Variants in HNRNPL observed in about 807,000 individuals in gnomAD.
The protein encoded by HNRNPL is heterogeneous nuclear ribonucleoprotein L.
HNRNPL carries 12 observed loss-of-function variants against 64.0 expected under a neutral mutation model. That is an observed-to-expected ratio of 0.19 (90% CI 0.12 to 0.30). The LOEUF (loss-of-function observed/expected upper bound fraction) is 0.30. Among genes scored for constraint, HNRNPL ranks in the 10% least tolerant of loss-of-function variants. The pLI is 1.00. For synonymous variants in HNRNPL, 385 were observed against 313.0 expected (o/e 1.23, Z -2.43); for missense variants, 484 against 797.4 (o/e 0.61, Z 4.73).
chr19:38,841,634 G>A (rs1651140316), intron 6 of HNRNPL: 2 of 1,282,808 alleles, frequency 1.6e-6, no homozygotes, highest in African/African-American at 3.0e-5. Context: ...TCAACAGTGA[G>A]TTAGCACAGT....
Position 38,836,598 on chromosome 19 carries a change from TAAAAAAAAA to T in HNRNPL, c.*115_*123del, listed in dbSNP as rs35433653. The T allele has an allele frequency of 1.8e-4, 25 of 136,628 alleles. No individual in the cohort carries two copies. The highest frequency in any genetic ancestry group is 8.2e-4 in the African/African-American group (14 of 17,030). The allele number at this position is 136,628 out of a possible 1,614,324, so 8.5% of individuals were successfully genotyped here. A position where few individuals can be genotyped will look rare whatever the true frequency, so the allele number is the denominator to read the frequency against. On this transcript the variant is annotated 3_prime_UTR_variant, in exon 13 of 13. Transcript: ENST00000221419. ...AGTAAGCCTCTACAAACCTAGCATT[TAAAAAAAAA>T]AAAAAAAAAAAAAAAAAGGAATACA...
rs370174426 is a variant in HNRNPL, at chr19:38,836,793, G to C, written c.1712-13C>G. ...GGGTATGGACCATCTGCAAAGGAGA[G>C]ACAAGTTTGGTTGGTTCCCGTCTTT... On this transcript the variant is annotated splice_polypyrimidine_tract_variant and intron_variant, in intron 12 of 12. Transcript: ENST00000221419. 2.5e-6 allele frequency: 4 copies of C among 1,608,350 alleles called. No homozygotes were observed. The highest frequency in any genetic ancestry group is 2.2e-5 in the East Asian group (1 of 44,716).
intron 9 of HNRNPL, 35 bp downstream of exon 9, chr19:38,838,859 G>A (rs887291879): frequency 1.2e-6 from 2 of 1,613,254 alleles, no homozygotes; most frequent in Admixed American, 1.7e-5. Context: ...TCTCTCCCCT[G>A]TACCTCTGCT....
rs949813402 is a variant in HNRNPL, at chr19:38,845,791, G to T, written c.625-56C>A. The T allele has an allele frequency of 1.9e-6, 3 of 1,598,774 alleles. No homozygotes were observed. In the Admixed American group the frequency reaches 5.0e-5, roughly 27 times the overall value. On this transcript the variant is annotated intron_variant, in intron 3 of 12. Transcript: ENST00000221419. ...GGCACTGGCAGATCAGTCTGGCTTGGGGGAGGGAATAAGGGGAGAAAAGGA... is the reference window on the plus strand; with the variant it reads ...GGCACTGGCAGATCAGTCTGGCTTGTGGGAGGGAATAAGGGGAGAAAAGGA...
chr19:38,843,730 G>T, intron 6 of HNRNPL, 112 bp downstream of exon 6: 1 of 886,656 alleles, frequency 1.1e-6, no homozygotes, highest in Non-Finnish European at 1.8e-6. Flanking sequence ...GCCCTCCCAT[G>T]TCCATGGGGG....
chr19:38,851,813 G>A (rs527261981), upstream of HNRNPL, among the ~76,000 whole-genome samples: 1 of 152,242 alleles, frequency 6.6e-6, no homozygotes, highest in South Asian at 2.1e-4. Context: ...TGGTGGCTCT[G>A]CCGGTGAGGG....
chr19:38,848,142 G>A (rs142995325), intron 1 of HNRNPL, among the ~76,000 whole-genome samples: 14,944 of 152,274 alleles, frequency 0.098, 870 homozygotes, highest in South Asian at 0.19. Context: ...CCAGGCTGGA[G>A]TGCTATGGCG....
At chr19:38,849,604 G>C in intron 1 of HNRNPL, 96 bp downstream of exon 1, 1 of 1,277,130 alleles carries the variant, frequency 7.8e-7, no homozygotes, top group Non-Finnish European at 9.9e-7. Flanking sequence ...GCCTGGGCGC[G>C]TGCGCAGAGG....
intron 1 of HNRNPL, among the ~76,000 whole-genome samples, chr19:38,847,953 G>A (rs371739235): frequency 6.6e-6 from 1 of 152,108 alleles, no homozygotes; most frequent in East Asian, 1.9e-4. Flanking sequence ...GTTCAGTCAG[G>A]GCAAAAAACA....
chr19:38,848,508 G>C (rs553806065), intron 1 of HNRNPL, among the ~76,000 whole-genome samples: 2 of 152,358 alleles, frequency 1.3e-5, no homozygotes, highest in African/African-American at 4.8e-5. Flanking sequence ...TCAGGAGAAA[G>C]ATTAACTCTC....
In HNRNPL at chr19:38,843,926, GGACAA is replaced by G. The variant is rs368215965; in HGVS notation, c.808-17_808-13del. The G allele has an allele frequency of 1.1e-5, 17 of 1,613,894 alleles. No homozygotes were observed. The highest frequency in any genetic ancestry group is 6.7e-5 in the African/African-American group (5 of 74,930). On this transcript the variant is annotated splice_polypyrimidine_tract_variant and intron_variant, in intron 5 of 12. Transcript: ENST00000221419. ...TTCAAGCGTGTAGGCTGCAAGGACA[GGACAA>G]GACAAGACTTGAGGTCAGCCATGCC...
rs759845330 is a variant in HNRNPL, at chr19:38,849,835, ACCGCCGCCT to A, written c.123_131del (p.Gly43_Gly45del). The A allele has an allele frequency of 2.6e-5, 32 of 1,223,180 alleles. No homozygotes were observed. The highest frequency in any genetic ancestry group is 1.1e-4 in the South Asian group (8 of 75,514). 75.8% of individuals were successfully genotyped at this position (1,223,180 alleles called of 1,614,324 possible). A position where few individuals can be genotyped will look rare whatever the true frequency, so the allele number is the denominator to read the frequency against. On this transcript the variant is annotated inframe_deletion, in exon 1 of 13. Coordinates refer to ENST00000221419, the MANE Select transcript of HNRNPL (RefSeq NM_001533.3). ...CACTGCCGCCGCCGTAGTAGCGGCC[ACCGCCGCCT>A]CCGCCGCCCGCCGCCGCCATCTTCA...
chr19:38,849,602 G>T (rs1208398315), intron 1 of HNRNPL, 98 bp downstream of exon 1: 6 of 1,274,940 alleles, frequency 4.7e-6, no homozygotes, highest in Non-Finnish European at 2.0e-6. Flanking sequence ...TGGCCTGGGC[G>T]CGTGCGCAGA....
chr19:38,850,573 T>G (rs958643283), upstream of HNRNPL, among the ~76,000 whole-genome samples: 3 of 152,198 alleles, frequency 2.0e-5, no homozygotes, highest in Admixed American at 2.0e-4. Context: ...CGCTCTTTGG[T>G]GCAGTATACG....
intron 6 of HNRNPL, chr19:38,841,522 G>T: frequency 1.7e-6 from 1 of 583,558 alleles, no homozygotes; most frequent in Non-Finnish European, 2.9e-6. Flanking sequence ...TTTGTTACCA[G>T]TCATTACAAA....
intron 6 of HNRNPL, 21 bp downstream of exon 6, chr19:38,843,821 C>G (rs754465629): frequency 3.7e-6 from 6 of 1,602,946 alleles, no homozygotes; most frequent in Non-Finnish European, 5.1e-6. Context: ...ATGTTTAGAA[C>G]AAAGTGGTCG....
intron 1 of HNRNPL, chr19:38,849,179 T>A (rs1260925276): frequency 1.3e-5 from 2 of 155,186 alleles, no homozygotes; most frequent in African/African-American, 4.8e-5. Flanking sequence ...CCTACAAAAA[T>A]GAGAGCATCT....
chr19:38,845,531 T>A (rs905756340), intron 4 of HNRNPL, 119 bp downstream of exon 4: 4 of 787,378 alleles, frequency 5.1e-6, no homozygotes, highest in Non-Finnish European at 8.9e-6. Flanking sequence ...TGTGAAGGCA[T>A]CTGGCACATG....
At chr19:38,837,715 C>A in intron 10 of HNRNPL, 64 bp from the exon 11 acceptor site, 1 of 1,420,408 alleles carries the variant, frequency 7.0e-7, no homozygotes, top group South Asian at 1.2e-5. Context: ...AGGATTCAAG[C>A]AGACCAGGCC....
Sources: allele counts gnomAD v4.1 joint callset (sites outside exome capture counted in the v4.1 genomes callset), GRCh38; gene constraint gnomAD v4.1.1; transcripts MANE v1.5; gene names NCBI Gene and HGNC (gene_info 2026-07-23, HGNC 2026-07-21).